FERMT1: variants seen among roughly 807,000 people sequenced by gnomAD.
FERMT1 encodes the protein FERM domain containing kindlin 1.
Under a neutral mutation model 85.3 loss-of-function variants are expected in FERMT1, and 60 were observed. The ratio of observed to expected loss-of-function variants is 0.70; its 90% CI spans 0.57 to 0.87. The LOEUF is 0.87. FERMT1 is among the 40% of genes least tolerant of loss of function. The pLI is 0.00. For synonymous variants in FERMT1, 275 were observed against 301.1 expected, an observed-to-expected ratio of 0.91 and a Z score of 0.90; for missense variants, 701 against 818.9, an observed-to-expected ratio of 0.86 and a Z score of 1.76.
chr20:6,091,109 G>A (rs1982344811), intron 9 of FERMT1, among the ~76,000 whole-genome samples: 2 of 151,948 alleles, frequency 1.3e-5, no homozygotes, highest in East Asian at 2.0e-4. Flanking sequence ...GCTGCAGTGA[G>A]CCGAGATCAC....
chr20:6,087,948 G>A, intron 10 of FERMT1, 65 bp from the exon 11 acceptor site: 3 of 918,504 alleles, frequency 3.3e-6, no homozygotes, highest in South Asian at 1.3e-5. Flanking sequence ...CATCAGGTGT[G>A]TATCTGAAAT....
intron 2 of FERMT1, among the ~76,000 whole-genome samples, chr20:6,117,668 G>A (rs186261323): frequency 1.5e-4 from 22 of 151,318 alleles, no homozygotes; most frequent in African/African-American, 4.8e-4. Context: ...TCCTGACCTC[G>A]TGATCCACCC....
At position 6,116,047 on chromosome 20, in the gene FERMT1, G is replaced by A. The variant is rs1361650572; in HGVS notation, c.152-3C>T. ...GTCTGACCAGTCTTGGGATATATCT[G>A]CAAAAATGAAAGCACAATTAAGTAA... On this transcript the variant is annotated splice_polypyrimidine_tract_variant and splice_region_variant and intron_variant, in intron 2 of 14. Transcript: ENST00000217289. 6.2e-7 allele frequency: 1 copy of A among 1,607,166 alleles called. No individual in the cohort carries two copies. The highest frequency in any genetic ancestry group is 1.1e-5 in the South Asian group (1 of 90,880).
chr20:6,114,522 A>G (rs968809586), intron 3 of FERMT1, among the ~76,000 whole-genome samples: 1 of 152,218 alleles, frequency 6.6e-6, no homozygotes, highest in African/African-American at 2.4e-5. Flanking sequence ...GGTGTATGCA[A>G]TATACTATTT....
chr20:6,075,215 T>C lies in FERMT1; in HGVS notation c.*1958A>G, dbSNP rs1164179683. 1 of 152,270 alleles carries C rather than the reference T, an allele frequency of 6.6e-6. No homozygotes were observed. The highest frequency in any genetic ancestry group is 1.5e-5 in the Non-Finnish European group (1 of 68,020). 9.4% of individuals were successfully genotyped at this position (152,270 alleles called of 1,614,324 possible). A position where few individuals can be genotyped will look rare whatever the true frequency, so the allele number is the denominator to read the frequency against. On this transcript the variant is annotated 3_prime_UTR_variant, in exon 15 of 15. Transcript: ENST00000217289. ...ACAACTATGAAAAGCTAAGGAAGCA[T>C]GTTGAACTGAAGGTCTGGCTTTGGT...
Position 6,091,290 on chromosome 20 carries a change from C to T in FERMT1, c.1140-2201G>A, listed in dbSNP as rs192564026. Among the ~76,000 whole-genome samples, 736 of 151,886 alleles carry T rather than the reference C, an allele frequency of 4.8e-3. 3 individuals carry two copies. The highest frequency in any genetic ancestry group is 0.015 in the African/African-American group (627 of 41,440). The stretch of plus-strand genomic sequence containing the variant: ...TGTCACCCAGGCTGGAGTGCAGTGG[C>T]GCAATCTTGTCTCACTGCAGCCTCT... On this transcript the variant is annotated intron_variant, in intron 9 of 14. Transcript: ENST00000217289.
chr20:6,117,670 G>C (rs963779008), intron 2 of FERMT1, among the ~76,000 whole-genome samples: 1 of 152,164 alleles, frequency 6.6e-6, no homozygotes, highest in African/African-American at 2.4e-5. Context: ...CTGACCTCGT[G>C]ATCCACCCAC....
Position 6,084,419 on chromosome 20 carries a change from C to G in FERMT1, c.1594-255G>C, listed in dbSNP as rs16991801. Among the ~76,000 whole-genome samples, 123 of 152,306 alleles carry G rather than the reference C, an allele frequency of 8.1e-4. 4 individuals are homozygous for G. The East Asian group carries it at 0.019, about 24-fold the overall frequency. On this transcript the variant is annotated intron_variant, in intron 12 of 14. Transcript: ENST00000217289. ...TTGGAGAGCTCTGGGGTCCCTCTGTCTGAGGTCTGTGGAGTGTCCACAGAC... is the reference window on the plus strand; with the variant it reads ...TTGGAGAGCTCTGGGGTCCCTCTGTGTGAGGTCTGTGGAGTGTCCACAGAC...
chr20:6,117,538 A>G (rs527470783), intron 2 of FERMT1, among the ~76,000 whole-genome samples: 1 of 151,442 alleles, frequency 6.6e-6, no homozygotes, highest in Admixed American at 6.6e-5. Flanking sequence ...TGTTCAAGTG[A>G]TTCTCCTGCC....
At chr20:6,119,614 G>A in intron 1 of FERMT1, 42 bp from the exon 2 acceptor site, 1 of 1,556,140 alleles carries the variant, frequency 6.4e-7, no homozygotes, top group South Asian at 1.1e-5. Flanking sequence ...ATGTGGGAAG[G>A]AAACGGGACT....
chr20:6,106,589 G>A (rs192760056), intron 6 of FERMT1, among the ~76,000 whole-genome samples: 93 of 152,298 alleles, frequency 6.1e-4, no homozygotes, highest in Non-Finnish European at 8.1e-4. Flanking sequence ...CCATTGTACC[G>A]CTGACTCTCA....
rs59180891 is a variant in FERMT1, at chr20:6,107,199, CA to C, written c.849+332del. On this transcript the variant is annotated intron_variant, in intron 6 of 14. Transcript: ENST00000217289. ...TGACAGAGCAAGACTCTGTCTCAAC[CA>C]AAAAAAAAAAAAAAAAAAAAAGAAC... Among the ~76,000 whole-genome samples, 32,526 of 92,752 alleles carry C rather than the reference CA, an allele frequency of 0.35. 3,615 individuals are homozygous for C. The highest frequency in any genetic ancestry group is 0.44 in the South Asian group (1,050 of 2,362). 60.8% of individuals were successfully genotyped at this position (92,752 alleles called of 152,430 possible).
rs531810082 is a variant in FERMT1, at chr20:6,081,945, G to A, written c.1718+2095C>T. 3.9e-5 allele frequency among the ~76,000 whole-genome samples: 6 copies of A among 152,024 alleles called. No homozygotes were observed. The South Asian group carries it at 1.0e-3, about 26-fold the overall frequency. ...AATTAACCCACTTCTTACTCCACCC[G>A]CTTCTCTCTAACCTATGGGAGTTCC... On this transcript the variant is annotated intron_variant, in intron 13 of 14. Coordinates refer to ENST00000217289, the MANE Select transcript of FERMT1 (RefSeq NM_017671.5).
In FERMT1 at chr20:6,079,480, A is replaced by C. The variant is rs757545709; in HGVS notation, c.1816T>G (p.Phe606Val). ...ATGIPVTTWR[F>V]TNIKQWNVNW... ...ACATTCCACTGTTTGATATTTGTGA[A>C]TCTCCATGTTGTCACTGGAATCCCG... The change falls in exon 14 of 15, where the codon TTC (phenylalanine) becomes GTC (valine). Residue 606 changes from phenylalanine (F) to valine (V), a missense_variant. Transcript: ENST00000217289. 1.9e-6 allele frequency: 3 copies of C among 1,614,124 alleles called. No homozygotes were observed. Among genetic ancestry groups the C allele is most frequent in the African/African-American group, 1.3e-5 (1 of 75,020 alleles).
chr20:6,122,264 A>G (rs1983296471), intron 1 of FERMT1, among the ~76,000 whole-genome samples: 1 of 152,164 alleles, frequency 6.6e-6, no homozygotes, highest in African/African-American at 2.4e-5. Context: ...GCAAGCTGTT[A>G]CTTGTCAAGG....
At chr20:6,119,947 A>G (rs569523609) in intron 1 of FERMT1, among the ~76,000 whole-genome samples, 1 of 152,278 alleles carries the variant, frequency 6.6e-6, no homozygotes, top group South Asian at 2.1e-4. Context: ...TTATCTTTTA[A>G]AGAAATCAAT....
intron 12 of FERMT1, 47 bp from the exon 13 acceptor site, chr20:6,084,211 C>T: frequency 6.3e-7 from 1 of 1,577,306 alleles, no homozygotes; most frequent in Non-Finnish European, 8.6e-7. Context: ...ACCGGCTGCT[C>T]TGTGATCACC....
intron 13 of FERMT1, among the ~76,000 whole-genome samples, chr20:6,083,654 C>CA (rs1413332497): frequency 1.9e-5 from 2 of 107,676 alleles, no homozygotes; most frequent in African/African-American, 9.4e-5. Context: ...CAAAATGAGA[C>CA]ACCCCCCCCC....
chr20:6,107,273 G>T (rs1265407487), intron 6 of FERMT1, among the ~76,000 whole-genome samples: 1 of 151,862 alleles, frequency 6.6e-6, no homozygotes, highest in Non-Finnish European at 1.5e-5. Context: ...TCCTGCAAAT[G>T]GAGGGGGGCA....
Sources: gnomAD v4.1 joint callset for allele counts (sites outside exome capture counted in the v4.1 genomes callset) on GRCh38, gnomAD v4.1.1 for gene constraint, MANE v1.5 for transcripts, NCBI Gene and HGNC (gene_info 2026-07-23, HGNC 2026-07-21) for gene names.